The following PCDH15 variants were observed in gnomAD, a reference collection of about 807,000 sequenced individuals.
PCDH15 encodes the protein protocadherin-15.
In PCDH15, 129 loss-of-function variants were observed where a neutral mutation model predicts 178.5. That is an observed-to-expected ratio of 0.72 (90% confidence interval 0.63 to 0.84). The LOEUF (loss-of-function observed/expected upper bound fraction) is 0.84. PCDH15 is among the 40% of genes least tolerant of loss of function. The pLI is 0.00. For synonymous variants in PCDH15, 800 were observed against 732.0 expected (o/e 1.09, Z -1.50); for missense variants, 2,230 against 2,099.9 (o/e 1.06, Z -1.21).
intron 2 of PCDH15, among the ~76,000 whole-genome samples, chr10:54,908,896 C>G (rs775509969): frequency 6.6e-6 from 1 of 151,678 alleles, no homozygotes; most frequent in Non-Finnish European, 1.5e-5. Context: ...CAGGTCATCC[C>G]GATGAATGCT....
chr10:55,093,752 A>G (rs11004736), intron 2 of PCDH15, among the ~76,000 whole-genome samples: 12,894 of 152,176 alleles, frequency 0.085, 665 homozygotes, highest in East Asian at 0.26. Context: ...GACAGTTCTC[A>G]AAAGAAGACA....
chr10:55,024,581 C>T (rs1341339765), intron 2 of PCDH15, among the ~76,000 whole-genome samples: 1 of 151,920 alleles, frequency 6.6e-6, no homozygotes, highest in African/African-American at 2.4e-5. Flanking sequence ...CACATGAAAT[C>T]TAACAGGTTT....
intron 3 of PCDH15, among the ~76,000 whole-genome samples, chr10:54,391,920 C>T (rs1386412327): frequency 5.3e-5 from 8 of 152,002 alleles, no homozygotes; most frequent in South Asian, 2.1e-4. Context: ...GATATAGATT[C>T]GGGAGAAATT....
chr10:54,752,537 A>C lies in PCDH15; in HGVS notation c.-29+48388T>G, dbSNP rs545147617. On this transcript the variant is annotated intron_variant, in intron 1 of 37. Coordinates refer to ENST00000644397, the MANE Select transcript of PCDH15 (RefSeq NM_001384140.1). ...ACAAACAAACAAACAAACAAAAAAA[A>C]ACAATAAAACAATTTTCCTATATGT... 7.4e-5 allele frequency among the ~76,000 whole-genome samples: 11 copies of C among 149,394 alleles called. No individual in the cohort carries two copies. The East Asian group carries it at 1.4e-3, about 18-fold the overall frequency.
At chr10:54,768,514 C>A (rs545520151) in intron 1 of PCDH15, among the ~76,000 whole-genome samples, 3 of 151,956 alleles carry the variant, frequency 2.0e-5, no homozygotes, top group Admixed American at 1.3e-4. Flanking sequence ...TTCATATTCT[C>A]AGGATTTCAG....
chr10:55,368,089 A>C (rs935580008), intron 2 of PCDH15, among the ~76,000 whole-genome samples: 1 of 152,150 alleles, frequency 6.6e-6, no homozygotes. Context: ...TAATGTTATT[A>C]AGTATAGTGC....
intron 2 of PCDH15, among the ~76,000 whole-genome samples, chr10:55,588,813 A>T (rs7915291): frequency 0.028 from 4,235 of 151,978 alleles, 78 homozygotes; most frequent in East Asian, 0.052. Flanking sequence ...AAGGCAAGGA[A>T]CCTCACACCT....
At chr10:54,795,572 A>G (rs1441684981) in intron 1 of PCDH15, among the ~76,000 whole-genome samples, 1 of 151,892 alleles carries the variant, frequency 6.6e-6, no homozygotes, top group East Asian at 1.9e-4. Context: ...CTTTCATCAA[A>G]TATTTATTGA....
chr10:54,802,466 T>C (rs893396684), upstream of PCDH15, among the ~76,000 whole-genome samples: 8 of 152,200 alleles, frequency 5.3e-5, no homozygotes, highest in South Asian at 2.1e-4. Context: ...TTTGTTTTTA[T>C]TTTATGTACC....
chr10:55,039,065 A>T (rs1361628022), intron 2 of PCDH15, among the ~76,000 whole-genome samples: 2 of 152,080 alleles, frequency 1.3e-5, no homozygotes, highest in Non-Finnish European at 2.9e-5. Flanking sequence ...CCCATATCTC[A>T]ACATCTCTTC....
At chr10:54,573,884 A>T (rs954547314) in intron 2 of PCDH15, among the ~76,000 whole-genome samples, 7 of 150,570 alleles carry the variant, frequency 4.6e-5, no homozygotes, top group Admixed American at 1.3e-4. Context: ...TCCTTTATTT[A>T]AAAAAAATTT....
chr10:54,022,673 A>T (rs934956054), intron 19 of PCDH15, among the ~76,000 whole-genome samples: 5 of 152,158 alleles, frequency 3.3e-5, no homozygotes, highest in African/African-American at 1.2e-4. Flanking sequence ...TTACAAATAG[A>T]TCTTTCTGCC....
chr10:55,535,387 G>A (rs1841552660), intron 2 of PCDH15, among the ~76,000 whole-genome samples: 1 of 151,882 alleles, frequency 6.6e-6, no homozygotes. Context: ...GCCTCTACTA[G>A]GGCAACAAAA....
intron 2 of PCDH15, among the ~76,000 whole-genome samples, chr10:55,044,806 T>C (rs1840956941): frequency 6.6e-6 from 1 of 152,088 alleles, no homozygotes; most frequent in Admixed American, 6.6e-5. Context: ...TGCCATGTGT[T>C]AGGTGTTATT....
intron 1 of PCDH15, among the ~76,000 whole-genome samples, chr10:54,717,968 G>A (rs1168776106): frequency 2.7e-5 from 4 of 146,930 alleles, no homozygotes; most frequent in East Asian, 2.0e-4. Flanking sequence ...GTAGGGACAC[G>A]GATGAAATTG....
chr10:54,361,917 G>A (rs892749317), intron 5 of PCDH15, among the ~76,000 whole-genome samples: 2 of 152,032 alleles, frequency 1.3e-5, no homozygotes, highest in Non-Finnish European at 2.9e-5. Flanking sequence ...TTTGGAGTGA[G>A]AATGTTTTGG....
rs545817217 is a variant in PCDH15, at chr10:54,323,786, T to G, written c.705+5810A>C. Among the ~76,000 whole-genome samples, 3 of 144,642 alleles carry G rather than the reference T, an allele frequency of 2.1e-5. No homozygotes were observed. In the East Asian group the frequency reaches 5.9e-4, roughly 28 times the overall value. 94.9% of individuals were successfully genotyped at this position (144,642 alleles called of 152,430 possible). ...TGACCACCTGAGTGCAATACACCCATGCAACAAACCTACATATGTACTCCC... is the reference window on the plus strand; with the variant it reads ...TGACCACCTGAGTGCAATACACCCAGGCAACAAACCTACATATGTACTCCC... On this transcript the variant is annotated intron_variant, in intron 7 of 37. Coordinates refer to ENST00000644397, the MANE Select transcript of PCDH15 (RefSeq NM_001384140.1).
chr10:54,086,366 C>A (rs753874282), intron 16 of PCDH15, among the ~76,000 whole-genome samples: 1 of 152,122 alleles, frequency 6.6e-6, no homozygotes, highest in African/African-American at 2.4e-5. Flanking sequence ...AGCGGTCTGC[C>A]TCCATGACCC....
chr10:55,403,093 T>C (rs972548856), intron 2 of PCDH15, among the ~76,000 whole-genome samples: 4 of 152,068 alleles, frequency 2.6e-5, no homozygotes, highest in African/African-American at 9.7e-5. Context: ...TGTTAACGGA[T>C]TGAATGTCTT....
Sources: gnomAD v4.1 joint callset for allele counts (sites outside exome capture counted in the v4.1 genomes callset) on GRCh38, gnomAD v4.1.1 for gene constraint, MANE v1.5 for transcripts, NCBI Gene and HGNC (gene_info 2026-07-23, HGNC 2026-07-21) for gene names.